The following MTCL1 variants were observed in gnomAD, a reference collection of about 807,000 sequenced individuals.
MTCL1 encodes microtubule cross-linking factor 1.
In MTCL1, 79 loss-of-function variants were observed where a neutral mutation model predicts 141.4. The observed-to-expected ratio is 0.56, with a 90% CI of 0.47 to 0.67. MTCL1 has a LOEUF of 0.67. Ranked by LOEUF, MTCL1 falls within the 30% of genes least tolerant of loss-of-function variation. MTCL1 has a pLI of 0.00. For synonymous variants in MTCL1, 914 were observed against 875.8 expected (o/e 1.04, Z -0.77); for missense variants, 2,177 against 2,113.9 (o/e 1.03, Z -0.59).
At chr18:8,799,919 G>A (rs998007792) in intron 10 of MTCL1, among the ~76,000 whole-genome samples, 2 of 152,150 alleles carry the variant, frequency 1.3e-5, no homozygotes, top group Non-Finnish European at 2.9e-5. Context: ...AGTTTTTAGC[G>A]ATTACCCACG....
chr18:8,772,989 C>T lies in MTCL1; in HGVS notation c.358-4844C>T, dbSNP rs2096491088. On this transcript the variant is annotated intron_variant, in intron 4 of 16. Coordinates refer to ENST00000359865, the Ensembl canonical transcript of MTCL1. ...GTTATGTTGATTTGCCTAACTGTAG[C>T]AATCATTTCACTATGTGTATTCTGA... is the stretch of plus-strand genomic sequence containing the variant. 1.3e-5 allele frequency among the ~76,000 whole-genome samples: 2 copies of T among 152,096 alleles called. 1 individual carries two copies. Among genetic ancestry groups the T allele is most frequent in the South Asian group, 4.1e-4 (2 of 4,822 alleles).
At chr18:8,772,545 G>T (rs2096488952) in intron 4 of MTCL1, among the ~76,000 whole-genome samples, 1 of 151,268 alleles carries the variant, frequency 6.6e-6, no homozygotes, top group African/African-American at 2.4e-5. Flanking sequence ...ACATTTGGGG[G>T]TGTACTGCTC....
chr18:8,772,660 G>A (rs1271887647), intron 4 of MTCL1, among the ~76,000 whole-genome samples: 1 of 150,692 alleles, frequency 6.6e-6, no homozygotes, highest in Non-Finnish European at 1.5e-5. Context: ...TACATGTTAT[G>A]TATATAACAT....
At chr18:8,797,680 C>A (rs2143904475) in intron 9 of MTCL1, among the ~76,000 whole-genome samples, 1 of 152,370 alleles carries the variant, frequency 6.6e-6, no homozygotes, top group Non-Finnish European at 1.5e-5. Flanking sequence ...TCTCTTTCCT[C>A]AGAGTGAAGA....
intron 8 of MTCL1, 41 bp from the exon 8 acceptor site, chr18:8,796,191 G>A (rs1205113700): frequency 1.9e-6 from 3 of 1,604,270 alleles, no homozygotes; most frequent in Non-Finnish European, 2.6e-6. Flanking sequence ...TGGCGGATTG[G>A]ATTAGCTGCT....
rs1409056481 is a variant in MTCL1 at position 8,830,915 on chromosome 18, G to A, written c.*19-692G>A. ...GTGTGTCTTGCATCACCTGCTCGCAGAACATTAGGATGCCTGAAACACAAA... is the reference window on the plus strand; with the variant it reads ...GTGTGTCTTGCATCACCTGCTCGCAAAACATTAGGATGCCTGAAACACAAA... On this transcript the variant is annotated intron_variant, in intron 16 of 16. Transcript: ENST00000359865. The surrounding 1 kb of genome is among the most constrained non-coding windows in gnomAD (Gnocchi z 6.4). 1 of 985,380 alleles carries A rather than the reference G, an allele frequency of 1.0e-6. No individual in the cohort carries two copies. The highest frequency in any genetic ancestry group is 1.2e-6 in the Non-Finnish European group (1 of 829,996). The allele number at this position is 985,380 out of a possible 1,614,324, so 61.0% of individuals were successfully genotyped here.
At chr18:8,748,467 C>T (rs1015550467) in intron 4 of MTCL1, among the ~76,000 whole-genome samples, 12 of 152,070 alleles carry the variant, frequency 7.9e-5, no homozygotes, top group East Asian at 1.9e-4. Context: ...CGTTTGAGCG[C>T]GGGAGATCAA....
chr18:8,789,034 C>T (rs934202137), intron 7 of MTCL1, among the ~76,000 whole-genome samples: 3 of 152,156 alleles, frequency 2.0e-5, no homozygotes, highest in Non-Finnish European at 4.4e-5. Context: ...AAAAATAGTC[C>T]TGAATGAGAA....
At chr18:8,789,417 G>C in intron 7 of MTCL1, 3 of 985,386 alleles carry the variant, frequency 3.0e-6, no homozygotes, top group Non-Finnish European at 3.6e-6. Flanking sequence ...TCTAGTGATG[G>C]CCATGAAAAG....
intron 10 of MTCL1, among the ~76,000 whole-genome samples, chr18:8,804,118 C>G (rs1330194351): frequency 6.6e-6 from 1 of 152,082 alleles, no homozygotes; most frequent in African/African-American, 2.4e-5. Flanking sequence ...AATTTAAAAT[C>G]TAAAGATGAA....
At chr18:8,749,917 G>T (rs1457372510) in intron 4 of MTCL1, among the ~76,000 whole-genome samples, 1 of 152,204 alleles carries the variant, frequency 6.6e-6, no homozygotes, top group African/African-American at 2.4e-5. Context: ...TTTGCTCTAA[G>T]AGTAACTTTA....
rs533597281 is a variant in MTCL1, at chr18:8,779,896, C to G, written c.417+2004C>G. Among the ~76,000 whole-genome samples, 1 of 152,260 alleles carries G rather than the reference C, an allele frequency of 6.6e-6. No individual in the cohort carries two copies. Among genetic ancestry groups the G allele is most frequent in the East Asian group, 1.9e-4 (1 of 5,186 alleles). ...ATGTCATAGGATCTTGCTGCTTTAA[C>G]TGACCTGGGTTTAGGTTCATGGAGA... is the stretch of plus-strand genomic sequence containing the variant. On this transcript the variant is annotated intron_variant, in intron 5 of 16. Coordinates refer to ENST00000359865, the Ensembl canonical transcript of MTCL1. The surrounding 1 kb of genome is among the most constrained non-coding windows in gnomAD (Gnocchi z 4.1).
intron 4 of MTCL1, among the ~76,000 whole-genome samples, chr18:8,744,856 T>C (rs73939519): frequency 0.086 from 13,020 of 152,198 alleles, 1,075 homozygotes; most frequent in African/African-American, 0.2. Context: ...TCCTCCATCC[T>C]GCCCTCCACC....
At chr18:8,726,277 T>G (rs2096210183) in intron 4 of MTCL1, among the ~76,000 whole-genome samples, 1 of 90,988 alleles carries the variant, frequency 1.1e-5, no homozygotes, top group Non-Finnish European at 2.0e-5. Context: ...AGCTTTTTTT[T>G]CTTTTTTTCT....
At chr18:8,827,450 A>T (rs997417393) in intron 15 of MTCL1, among the ~76,000 whole-genome samples, 1 of 152,242 alleles carries the variant, frequency 6.6e-6, no homozygotes, top group Non-Finnish European at 1.5e-5. Context: ...GTTCACACCT[A>T]ATACAAATAT....
upstream of MTCL1, among the ~76,000 whole-genome samples, chr18:8,716,614 C>A (rs1192132794): frequency 7.8e-5 from 10 of 127,834 alleles, no homozygotes; most frequent in African/African-American, 3.1e-4. Flanking sequence ...ATGTTGGGCA[C>A]CTTGTTCTTT....
In MTCL1 at chr18:8,819,119, C is replaced by T. The variant is rs139637772; in HGVS notation, c.3016C>T (p.Arg1006Trp). 2.4e-5 allele frequency: 39 copies of T among 1,614,116 alleles called. No homozygotes were observed. In the South Asian group the frequency reaches 2.5e-4, roughly 10 times the overall value. ...TGCTGACTCCATCCCGTTTGAAGAC[C>T]GGCCGCTGTCCAAGCTGAAGGAGTC... The change falls in exon 13 of 17, where the codon CGG becomes TGG. Residue 1006 changes from arginine (R) to tryptophan (W), a missense_variant. Arg to Trp is a moderately radical substitution (Grantham distance 101). Coordinates refer to ENST00000359865, the Ensembl canonical transcript of MTCL1.
At chr18:8,755,026 C>T (rs1342349829) in intron 4 of MTCL1, among the ~76,000 whole-genome samples, 2 of 152,166 alleles carry the variant, frequency 1.3e-5, no homozygotes, top group African/African-American at 2.4e-5. Context: ...GGGAGTGCTT[C>T]GGTCACTTTT....
At chr18:8,832,000 TAAC>T in exon 17 of MTCL1, 1 of 674,078 alleles carries the variant, frequency 1.5e-6, no homozygotes, top group South Asian at 2.0e-5. Context: ...GTGCCTGTAA[TAAC>T]TTAATTTTTT....
Sources: allele counts gnomAD v4.1 joint callset (sites outside exome capture counted in the v4.1 genomes callset), GRCh38; gene constraint gnomAD v4.1.1; non-coding constraint Gnocchi (gnomAD v3.1); transcripts MANE v1.5; gene names NCBI Gene and HGNC (gene_info 2026-07-23, HGNC 2026-07-21).